TNFRSF10A: variants seen among roughly 807,000 people sequenced by gnomAD.
TNFRSF10A encodes the protein tumor necrosis factor receptor superfamily member 10A.
A neutral mutation model predicts 42.8 loss-of-function variants in TNFRSF10A; 44 were observed. The observed-to-expected ratio is 1.03, with a 90% CI of 0.81 to 1.32. TNFRSF10A has a LOEUF of 1.32. Among genes scored for constraint, TNFRSF10A ranks in the 40% most tolerant of loss-of-function variants. The pLI, the probability that TNFRSF10A is intolerant of heterozygous loss-of-function variation, is 0.00. For missense variants in TNFRSF10A, 680 were observed against 602.0 expected, an observed-to-expected ratio of 1.13 and a Z score of -1.36; for synonymous variants, 259 against 234.2, an observed-to-expected ratio of 1.11 and a Z score of -0.97.
intron 1 of TNFRSF10A, among the ~76,000 whole-genome samples, chr8:23,219,628 C>A (rs534890206): frequency 1.2e-4 from 18 of 152,210 alleles, no homozygotes; most frequent in Non-Finnish European, 2.4e-4. Context: ...ATCTCCTCCC[C>A]ACAGACAAGC....
rs539429893 is a variant in TNFRSF10A, at chr8:23,202,186, A to G, written c.518-267T>C. Among the ~76,000 whole-genome samples, 5 of 152,362 alleles carry G rather than the reference A, an allele frequency of 3.3e-5. No homozygotes were observed. The South Asian group carries it at 1.0e-3, about 32-fold the overall frequency. On this transcript the variant is annotated intron_variant, in intron 3 of 9. Transcript: ENST00000221132. ...AAAGCACCATTTAGATCGCATGGTC[A>G]GTAGCAAAGGAGGCACATGGTATGT...
chr8:23,196,437 T>A (rs974451148), intron 9 of TNFRSF10A, among the ~76,000 whole-genome samples: 1 of 152,062 alleles, frequency 6.6e-6, no homozygotes, highest in Admixed American at 6.6e-5. Flanking sequence ...ACCTTGTGAT[T>A]CGCCCGCCTC....
chr8:23,212,888 C>T (rs1322098912), intron 1 of TNFRSF10A, among the ~76,000 whole-genome samples: 1 of 152,206 alleles, frequency 6.6e-6, no homozygotes, highest in African/African-American at 2.4e-5. Context: ...TTCATCACTT[C>T]TATATTATCA....
chr8:23,223,934 C>T (rs550050272), intron 1 of TNFRSF10A, among the ~76,000 whole-genome samples: 6 of 152,298 alleles, frequency 3.9e-5, no homozygotes, highest in African/African-American at 1.4e-4. Flanking sequence ...GAAACTGCTG[C>T]CGGTGTGCTC....
chr8:23,221,704 G>A (rs959526820), intron 1 of TNFRSF10A, among the ~76,000 whole-genome samples: 22 of 152,130 alleles, frequency 1.4e-4, no homozygotes, highest in Admixed American at 1.4e-3. Context: ...GTCTAATCTG[G>A]AGTCTCTAGG....
At chr8:23,196,360 A>AT (rs369246289) in intron 9 of TNFRSF10A, among the ~76,000 whole-genome samples, 15,107 of 151,282 alleles carry the variant, frequency 0.1, 963 homozygotes, top group Middle Eastern at 0.17. Flanking sequence ...CGCCTGGCTA[A>AT]TTTTTTTTTG....
Position 23,217,227 on chromosome 8 carries a change from TC to T in TNFRSF10A, c.307-5016del, listed in dbSNP as rs1246872031. Among the ~76,000 whole-genome samples, 45 of 152,220 alleles carry T rather than the reference TC, an allele frequency of 3.0e-4. 2 individuals are homozygous for T. In the East Asian group the frequency reaches 5.0e-3, roughly 17 times the overall value. ...CCTTCTGATGAATTCATTTTTTTTT[TC>T]TTTTTTGAGACGGAGTCTTGCTCTG... On this transcript the variant is annotated intron_variant, in intron 1 of 9. Coordinates refer to ENST00000221132, the MANE Select transcript of TNFRSF10A (RefSeq NM_003844.4).
intron 3 of TNFRSF10A, 138 bp from the exon 4 acceptor site, chr8:23,202,057 A>G: frequency 1.4e-6 from 1 of 707,274 alleles, no homozygotes; most frequent in East Asian, 2.7e-5. Flanking sequence ...ATTCTGCACC[A>G]GCACACTCGG....
chr8:23,197,341 C>T (rs1277865132), intron 8 of TNFRSF10A, 137 bp from the exon 9 acceptor site: 2 of 1,004,686 alleles, frequency 2.0e-6, no homozygotes, highest in Non-Finnish European at 3.1e-6. Context: ...GGTGAAAAAC[C>T]TCTGGTCCCA....
At chr8:23,218,646 T>G (rs4607622) in intron 1 of TNFRSF10A, among the ~76,000 whole-genome samples, 40,465 of 147,356 alleles carry the variant, frequency 0.27, 5,900 homozygotes, top group East Asian at 0.68. Flanking sequence ...ACTTCTCAGG[T>G]ACCCCCAGCA....
chr8:23,212,297 C>A, intron 1 of TNFRSF10A, 85 bp from the exon 2 acceptor site: 1 of 1,193,382 alleles, frequency 8.4e-7, no homozygotes, highest in South Asian at 1.2e-5. Context: ...TTCCCCCAAG[C>A]CTCCAAAATT....
intron 1 of TNFRSF10A, among the ~76,000 whole-genome samples, chr8:23,222,301 G>T (rs1011968047): frequency 2.6e-5 from 4 of 152,048 alleles, no homozygotes; most frequent in Non-Finnish European, 5.9e-5. Context: ...TCTTCTAAAG[G>T]GCTGCCCGAT....
chr8:23,225,088 G>T lies in TNFRSF10A; in HGVS notation c.-27C>A, dbSNP rs1273537557. 4 of 1,484,146 alleles carry T rather than the reference G, an allele frequency of 2.7e-6. No individual in the cohort carries two copies. In the South Asian group the frequency reaches 5.4e-5, roughly 20 times the overall value. The allele number at this position is 1,484,146 out of a possible 1,614,324, so 91.9% of individuals were successfully genotyped here. ...CTGCCAGGTCAATCCAAGAAGCAGC[G>T]TGCTTGGCTATGACAAGACAGAACT... On this transcript the variant is annotated 5_prime_UTR_variant, in exon 1 of 10. Coordinates refer to ENST00000221132, the MANE Select transcript of TNFRSF10A (RefSeq NM_003844.4).
intron 3 of TNFRSF10A, among the ~76,000 whole-genome samples, chr8:23,202,427 C>A (rs894320281): frequency 2.0e-5 from 3 of 152,224 alleles, no homozygotes; most frequent in Non-Finnish European, 4.4e-5. Context: ...TGTAATGATG[C>A]CCCTACCCTC....
intron 7 of TNFRSF10A, 139 bp from the exon 8 acceptor site, chr8:23,199,587 C>G: frequency 9.0e-7 from 1 of 1,116,704 alleles, no homozygotes; most frequent in Non-Finnish European, 1.3e-6. Flanking sequence ...CATCCAGGAC[C>G]TGCTGCTGGG....
intron 4 of TNFRSF10A, 75 bp from the exon 5 acceptor site, chr8:23,200,835 C>G: frequency 1.5e-6 from 2 of 1,363,610 alleles, no homozygotes; most frequent in Non-Finnish European, 2.1e-6. Flanking sequence ...AGGAGCCACT[C>G]TCCCTGCCCA....
chr8:23,207,017 GC>G (rs1256287147), intron 2 of TNFRSF10A: 1 of 415,282 alleles, frequency 2.4e-6, no homozygotes, highest in African/African-American at 2.1e-5. Context: ...GGTGTCCACT[GC>G]CATGAAAAAA....
intron 1 of TNFRSF10A, 107 bp downstream of exon 1, chr8:23,224,649 G>A: frequency 1.4e-6 from 2 of 1,389,782 alleles, no homozygotes; most frequent in South Asian, 2.9e-5. Context: ...GACATGCCCC[G>A]CCACAAGTGA....
Position 23,191,134 on chromosome 8 carries a change from C to T in TNFRSF10A, c.*560G>A, listed in dbSNP as rs1186207771. Reference sequence around the variant, plus strand: ...CTGGAAACACCCTCGAAGACATGCCCAGAAATAATGTCCCAGAAATAATGC... The same window carrying T: ...CTGGAAACACCCTCGAAGACATGCCTAGAAATAATGTCCCAGAAATAATGC... On this transcript the variant is annotated 3_prime_UTR_variant, in exon 10 of 10. Transcript: ENST00000221132. The T allele has an allele frequency of 6.5e-6, 1 of 153,286 alleles. No individual in the cohort carries two copies. Among genetic ancestry groups the T allele is most frequent in the East Asian group, 1.9e-4 (1 of 5,218 alleles). 9.5% of individuals were successfully genotyped at this position (153,286 alleles called of 1,614,324 possible).
Sources: allele counts gnomAD v4.1 joint callset (sites outside exome capture counted in the v4.1 genomes callset), GRCh38; gene constraint gnomAD v4.1.1; transcripts MANE v1.5; gene names NCBI Gene and HGNC (gene_info 2026-07-23, HGNC 2026-07-21).